PROSER1: variants seen among roughly 807,000 people sequenced by gnomAD.
PROSER1 encodes proline and serine rich 1, also known as proline and serine-rich protein 1.
PROSER1 carries 36 observed loss-of-function variants against 71.8 expected under a neutral mutation model. The observed-to-expected ratio is 0.50, with a 90% confidence interval of 0.38 to 0.66. The LOEUF (loss-of-function observed/expected upper bound fraction) is 0.66. PROSER1 is among the 30% of genes least tolerant of loss of function. The probability of loss-of-function intolerance (pLI) is 0.00; values close to 1 mark genes in which losing one functional copy is unlikely to be tolerated. For missense variants in PROSER1, 1,107 were observed against 1,135.0 expected (o/e 0.98, Z 0.35); for synonymous variants, 490 against 452.4 (o/e 1.08, Z -1.06).
chr13:39,011,493 G>A lies in PROSER1; in HGVS notation c.2713-6C>T, dbSNP rs765191588. The stretch of plus-strand genomic sequence containing the variant: ...AGAGCCGAAGCTGAATGGACCTGAT[G>A]GAAAGAAGAGCGTGTGGTTTAGCAG... On this transcript the variant is annotated splice_polypyrimidine_tract_variant and splice_region_variant and intron_variant, in intron 12 of 12. Coordinates refer to ENST00000352251, the MANE Select transcript of PROSER1 (RefSeq NM_025138.5). The A allele has an allele frequency of 1.9e-6, 3 of 1,613,520 alleles. No homozygotes were observed. Among genetic ancestry groups the A allele is most frequent in the East Asian group, 2.2e-5 (1 of 44,868 alleles).
intron 3 of PROSER1, among the ~76,000 whole-genome samples, chr13:39,029,837 A>G (rs1258122648): frequency 6.6e-6 from 1 of 152,214 alleles, no homozygotes; most frequent in African/African-American, 2.4e-5. Flanking sequence ...CACTAGCCAT[A>G]TAAGGTAGGG....
intron 2 of PROSER1, 37 bp from the exon 3 acceptor site, chr13:39,031,668 G>C (rs779690120): frequency 1.3e-6 from 2 of 1,547,942 alleles, no homozygotes; most frequent in Non-Finnish European, 8.9e-7. Flanking sequence ...ATGACAGCAT[G>C]TTTGCAAACA....
intron 2 of PROSER1, among the ~76,000 whole-genome samples, chr13:39,033,056 G>A (rs1870933234): frequency 6.6e-6 from 1 of 152,120 alleles, no homozygotes; most frequent in Non-Finnish European, 1.5e-5. Context: ...GAACAGCTGG[G>A]ATTACAGGCA....
At chr13:39,018,577 T>C (rs1041460711) in intron 9 of PROSER1, among the ~76,000 whole-genome samples, 5 of 148,576 alleles carry the variant, frequency 3.4e-5, no homozygotes, top group Non-Finnish European at 7.4e-5. Context: ...AATTAATAAA[T>C]GGAAAGAATA....
chr13:39,031,194 A>G (rs9603497), intron 3 of PROSER1, among the ~76,000 whole-genome samples: 313 of 152,374 alleles, frequency 2.1e-3, no homozygotes, highest in African/African-American at 7.2e-3. Context: ...CAGTGCTGAT[A>G]TAAAAATTTC....
chr13:39,029,339 T>C lies in PROSER1; in HGVS notation c.217A>G (p.Ile73Val), dbSNP rs373439794. 3 of 1,536,122 alleles carry C rather than the reference T, an allele frequency of 2.0e-6. No individual in the cohort carries two copies. Among genetic ancestry groups the C allele is most frequent in the Non-Finnish European group, 2.6e-6 (3 of 1,147,960 alleles). ...TTACTGAAAGTGAAACAGTTGAGTA[T>C]ATTGACCACTTCTGTTGGCTGGACA... is the stretch of plus-strand genomic sequence containing the variant. ...VAVQPTEVVN[I>V]LNCFTFSKDK... The change falls in exon 4 of 13, where the codon ATA (isoleucine) becomes GTA (valine). Residue 73 changes from isoleucine (I) to valine (V), a missense_variant. Coordinates refer to ENST00000352251, the MANE Select transcript of PROSER1 (RefSeq NM_025138.5).
intron 10 of PROSER1, among the ~76,000 whole-genome samples, chr13:39,015,093 GTC>G (rs1370353552): frequency 6.6e-6 from 1 of 152,094 alleles, no homozygotes; most frequent in Non-Finnish European, 1.5e-5. Flanking sequence ...CAAAAGCTGT[GTC>G]TAATTCATCT....
At chr13:39,031,301 C>A (rs561644211) in intron 3 of PROSER1, among the ~76,000 whole-genome samples, 7 of 152,264 alleles carry the variant, frequency 4.6e-5, no homozygotes, top group African/African-American at 1.4e-4. Context: ...GTGCAAAAAA[C>A]CATTAAGAAT....
rs530243287 is a variant in PROSER1, at chr13:39,027,476, C to T, written c.369+751G>A. On this transcript the variant is annotated intron_variant, in intron 5 of 12. Transcript: ENST00000352251. ...GAAGGAAAGTGACACGATCGGAACA[C>T]TTCATAAGAAAGAAAACTACAGCAG... 1.4e-4 allele frequency among the ~76,000 whole-genome samples: 22 copies of T among 152,238 alleles called. No individual in the cohort carries two copies. In the East Asian group the frequency reaches 2.5e-3, roughly 17 times the overall value.
At chr13:39,032,912 A>C (rs886794619) in intron 2 of PROSER1, among the ~76,000 whole-genome samples, 2 of 150,790 alleles carry the variant, frequency 1.3e-5, no homozygotes, top group African/African-American at 4.9e-5. Context: ...ATATCTTTTT[A>C]AAACATTTAA....
chr13:39,033,198 G>T (rs1240458380), intron 2 of PROSER1, among the ~76,000 whole-genome samples: 1 of 152,224 alleles, frequency 6.6e-6, no homozygotes, highest in Non-Finnish European at 1.5e-5. Context: ...GGGACTACAG[G>T]TGTGAGCCAC....
At position 39,017,695 on chromosome 13, in the gene PROSER1, A is replaced by C. The variant is rs966671213; in HGVS notation, c.731-151T>G. ...ATGTACACATATGGGAAAATAAATA[A>C]AAATAGTAGTAACTCTACTATTATT... is the stretch of plus-strand genomic sequence containing the variant. On this transcript the variant is annotated intron_variant, in intron 9 of 12. Coordinates refer to ENST00000352251, the MANE Select transcript of PROSER1 (RefSeq NM_025138.5). 3 of 557,026 alleles carry C rather than the reference A, an allele frequency of 5.4e-6. No homozygotes were observed. The African/African-American group carries it at 5.8e-5, about 11-fold the overall frequency. The allele number at this position is 557,026 out of a possible 1,614,324, so 34.5% of individuals were successfully genotyped here.
intron 5 of PROSER1, 42 bp from the exon 6 acceptor site, chr13:39,026,429 AAAGAT>A: frequency 1.5e-6 from 2 of 1,298,706 alleles, no homozygotes; most frequent in Non-Finnish European, 1.1e-6. Flanking sequence ...AAAATTCTTA[AAAGAT>A]AAGTATTCTG....
At chr13:39,015,931 T>C (rs1012481287) in intron 10 of PROSER1, among the ~76,000 whole-genome samples, 1 of 152,214 alleles carries the variant, frequency 6.6e-6, no homozygotes, top group Non-Finnish European at 1.5e-5. Flanking sequence ...TTGTAAATAA[T>C]GTACCAAAAA....
intron 9 of PROSER1, chr13:39,017,904 A>G: frequency 1.0e-5 from 2 of 198,654 alleles, no homozygotes; most frequent in Non-Finnish European, 2.0e-5. Context: ...GGTGCCATCC[A>G]GGAGAAAGTG....
Position 39,037,562 on chromosome 13 carries a change from G to A in PROSER1, c.-320C>T, listed in dbSNP as rs968513545. On this transcript the variant is annotated 5_prime_UTR_variant, in exon 1 of 13. Transcript: ENST00000352251. ...TTTTGCAGAAAAACCCGGGCTCGGC[G>A]GCAGGTTTGAGTGCGGTTTCCCTGC... is the stretch of plus-strand genomic sequence containing the variant. 3.2e-5 allele frequency: 8 copies of A among 251,864 alleles called. No homozygotes were observed. Among genetic ancestry groups the A allele is most frequent in the Non-Finnish European group, 6.0e-5 (8 of 132,292 alleles). 15.6% of individuals were successfully genotyped at this position (251,864 alleles called of 1,614,324 possible).
intron 9 of PROSER1, among the ~76,000 whole-genome samples, chr13:39,020,539 TAAC>T (rs1483585222): frequency 6.6e-6 from 1 of 152,000 alleles, no homozygotes; most frequent in Non-Finnish European, 1.5e-5. Context: ...AATAATAAAA[TAAC>T]TACAGTGGAA....
intron 11 of PROSER1, 150 bp from the exon 12 acceptor site, chr13:39,012,383 A>C (rs1394072143): frequency 1.2e-6 from 1 of 812,998 alleles, no homozygotes; most frequent in Non-Finnish European, 2.0e-6. Flanking sequence ...AAAATCAGCC[A>C]TTCCCTGATA....
intron 9 of PROSER1, among the ~76,000 whole-genome samples, chr13:39,021,962 T>C (rs916358729): frequency 2.0e-5 from 3 of 152,222 alleles, no homozygotes; most frequent in Admixed American, 2.0e-4. Context: ...TAATGTAGAA[T>C]ATATTGAAAT....
Sources: allele counts gnomAD v4.1 joint callset (sites outside exome capture counted in the v4.1 genomes callset), GRCh38; gene constraint gnomAD v4.1.1; transcripts MANE v1.5; gene names NCBI Gene and HGNC (gene_info 2026-07-23, HGNC 2026-07-21).